MEAF6: variants seen among roughly 807,000 people sequenced by gnomAD.
MEAF6 encodes the protein MYST/Esa1 associated factor 6.
In MEAF6, 15 loss-of-function variants were observed where a neutral mutation model predicts 28.9. The observed-to-expected ratio is 0.52, with a 90% CI of 0.35 to 0.80. The LOEUF (loss-of-function observed/expected upper bound fraction) is 0.80, where lower values mean the gene tolerates loss of function less well. Ranked by LOEUF, MEAF6 falls within the 30% of genes least tolerant of loss-of-function variation. The pLI is 0.01. For synonymous variants in MEAF6, 97 were observed against 88.7 expected (o/e 1.09, Z -0.53); for missense variants, 178 against 237.5 (o/e 0.75, Z 1.65).
In MEAF6 at chr1:37,493,644, A is replaced by C. The variant is rs2148057582; in HGVS notation, c.*455T>G. ...CAAAGAAAATAAGATAAAAACAACA[A>C]GAGAAAAACAAGAAAACATAAAACA... On this transcript the variant is annotated 3_prime_UTR_variant, in exon 7 of 7. Coordinates refer to ENST00000296214, the MANE Select transcript of MEAF6 (RefSeq NM_001270875.3). The C allele has an allele frequency of 5.9e-6, 5 of 843,832 alleles. No individual in the cohort carries two copies. The highest frequency in any genetic ancestry group is 9.5e-6 in the Non-Finnish European group (5 of 528,378). The allele number at this position is 843,832 out of a possible 1,614,324, so 52.3% of individuals were successfully genotyped here.
intron 2 of MEAF6, 39 bp from the exon 3 acceptor site, chr1:37,509,581 T>C (rs768331388): frequency 1.9e-6 from 3 of 1,560,784 alleles, no homozygotes; most frequent in Non-Finnish European, 2.6e-6. Flanking sequence ...CACCAAGCTA[T>C]GTCTATGGCT....
intron 5 of MEAF6, chr1:37,496,549 C>T: frequency 2.1e-6 from 3 of 1,409,830 alleles, no homozygotes; most frequent in Non-Finnish European, 2.8e-6. Context: ...AATGTTACCT[C>T]CATCACGTTT....
chr1:37,494,350 C>T (rs1642041072), intron 6 of MEAF6, among the ~76,000 whole-genome samples: 1 of 151,360 alleles, frequency 6.6e-6, no homozygotes, highest in Admixed American at 6.6e-5. Context: ...CCCGTCTCTA[C>T]TAAAAATACA....
intron 4 of MEAF6, among the ~76,000 whole-genome samples, chr1:37,502,484 A>C (rs1407004392): frequency 6.6e-6 from 1 of 152,006 alleles, no homozygotes; most frequent in Non-Finnish European, 1.5e-5. Flanking sequence ...TACAAAAAAA[A>C]AGGGGGGGCC....
In MEAF6 at chr1:37,503,067, C is replaced by G. The variant is rs1642367520; in HGVS notation, c.341-1071G>C. Among the ~76,000 whole-genome samples, 4 of 151,994 alleles carry G rather than the reference C, an allele frequency of 2.6e-5. No individual in the cohort carries two copies. In the South Asian group the frequency reaches 8.3e-4, roughly 32 times the overall value. On this transcript the variant is annotated intron_variant, in intron 4 of 6. Coordinates refer to ENST00000296214, the MANE Select transcript of MEAF6 (RefSeq NM_001270875.3). Reference sequence around the variant, plus strand: ...AAATTATCCTCCCATCTCAGCCTCCCCAGTAGCTGGAACTACCGGCACATG... The same window carrying G: ...AAATTATCCTCCCATCTCAGCCTCCGCAGTAGCTGGAACTACCGGCACATG...
intron 4 of MEAF6, among the ~76,000 whole-genome samples, chr1:37,506,927 G>A (rs1642503212): frequency 6.6e-6 from 1 of 152,198 alleles, no homozygotes; most frequent in African/African-American, 2.4e-5. Flanking sequence ...GTCTTTCCCT[G>A]ACAAGTACCT....
chr1:37,490,840 T>C lies in MEAF6; in HGVS notation c.*3259A>G, dbSNP rs984898192. Among the ~76,000 whole-genome samples, 2 of 151,098 alleles carry C rather than the reference T, an allele frequency of 1.3e-5. No homozygotes were observed. The highest frequency in any genetic ancestry group is 2.4e-5 in the African/African-American group (1 of 41,094). ...AGGAGTTTGAGTCCAGCCTGGCCAA[T>C]ATGGTGAAACCCGGTCTCTATTGAA... is the stretch of plus-strand genomic sequence containing the variant. On this transcript the variant is annotated 3_prime_UTR_variant, in exon 7 of 7. Transcript: ENST00000296214.
Position 37,493,242 on chromosome 1 carries a change from T to G in MEAF6, c.*857A>C, listed in dbSNP as rs886610386. ...AAGAGAGAAAATACAGAAAAAGAAA[T>G]TTCCATAAGGCATGATATGAATAAA... On this transcript the variant is annotated 3_prime_UTR_variant, in exon 7 of 7. Transcript: ENST00000296214. The G allele has an allele frequency of 1.3e-5, 2 of 152,416 alleles. No homozygotes were observed. Among genetic ancestry groups the G allele is most frequent in the Non-Finnish European group, 2.9e-5 (2 of 68,216 alleles). 9.4% of individuals were successfully genotyped at this position (152,416 alleles called of 1,614,324 possible).
chr1:37,498,456 G>A (rs955750913), intron 5 of MEAF6, among the ~76,000 whole-genome samples: 4 of 148,908 alleles, frequency 2.7e-5, no homozygotes, highest in Non-Finnish European at 5.9e-5. Flanking sequence ...CTATTACTGA[G>A]ACAGGGTCTT....
At position 37,493,724 on chromosome 1, in the gene MEAF6, T is replaced by C; in HGVS notation, c.*375A>G. On this transcript the variant is annotated 3_prime_UTR_variant, in exon 7 of 7. Transcript: ENST00000296214. ...TCCATCTGAAATGTGACTTGTGTTC[T>C]ACTTTCAGCATAAAACAAAACCAGA... The C allele has an allele frequency of 2.8e-6, 4 of 1,423,856 alleles. No homozygotes were observed. Among genetic ancestry groups the C allele is most frequent in the Non-Finnish European group, 3.9e-6 (4 of 1,033,292 alleles). The allele number at this position is 1,423,856 out of a possible 1,614,324, so 88.2% of individuals were successfully genotyped here.
At chr1:37,511,186 G>A (rs912874942) in intron 2 of MEAF6, among the ~76,000 whole-genome samples, 3 of 152,266 alleles carry the variant, frequency 2.0e-5, no homozygotes, top group Middle Eastern at 3.4e-3. Context: ...GGTAAGTATG[G>A]GACATCTCTT....
At chr1:37,512,877 G>A (rs1178674129) in intron 2 of MEAF6, among the ~76,000 whole-genome samples, 2 of 152,106 alleles carry the variant, frequency 1.3e-5, no homozygotes, top group African/African-American at 2.4e-5. Context: ...GGACAACAGC[G>A]TGAGACCCTG....
At chr1:37,514,433 C>T in intron 1 of MEAF6, 1 of 328,836 alleles carries the variant, frequency 3.0e-6, no homozygotes, top group South Asian at 8.3e-5. Context: ...GCTTCCCCTC[C>T]CCCTCCCGCG....
chr1:37,506,691 T>A (rs1642496272), intron 4 of MEAF6, among the ~76,000 whole-genome samples: 1 of 152,016 alleles, frequency 6.6e-6, no homozygotes, highest in African/African-American at 2.4e-5. Flanking sequence ...CTTTTCAGGT[T>A]TTTGTTTTGT....
intron 5 of MEAF6, chr1:37,496,865 T>C (rs753778875): frequency 2.5e-5 from 24 of 945,342 alleles, no homozygotes; most frequent in Non-Finnish European, 3.4e-5. Context: ...AGCAACAAAG[T>C]ATCAAACATC....
chr1:37,495,764 C>CA (rs142254918), intron 6 of MEAF6, 121 bp downstream of exon 6: 33 of 887,666 alleles, frequency 3.7e-5, no homozygotes, highest in Non-Finnish European at 5.8e-5. Context: ...ATGGACACCC[C>CA]AGACTTTAAA....
Position 37,501,984 on chromosome 1 carries a change from C to T in MEAF6, c.353G>A (p.Ser118Asn). 6.2e-7 allele frequency: 1 copy of T among 1,603,604 alleles called. No individual in the cohort carries two copies. The highest frequency in any genetic ancestry group is 8.5e-7 in the Non-Finnish European group (1 of 1,172,638). Residue 118 changes from serine to asparagine, a missense_variant, in exon 5 of 7, where the codon AGT becomes AAT. Coordinates refer to ENST00000296214, the MANE Select transcript of MEAF6 (RefSeq NM_001270875.3). ...DQLIEKREPGSGTESDTSPDF... is the reference protein window; with the variant it reads ...DQLIEKREPGNGTESDTSPDF... ...TGGAGAAGTGTCACTTTCCGTCCCACTTCCTGGCTCCCCTGAAGGAAATAA... is the reference window on the plus strand; with the variant it reads ...TGGAGAAGTGTCACTTTCCGTCCCATTTCCTGGCTCCCCTGAAGGAAATAA...
intron 5 of MEAF6, among the ~76,000 whole-genome samples, chr1:37,496,348 ATAAAT>A (rs1283368007): frequency 1.3e-5 from 2 of 152,376 alleles, no homozygotes; most frequent in East Asian, 1.9e-4. Flanking sequence ...GAAACACAAA[ATAAAT>A]TAAATTAATT....
At position 37,490,919 on chromosome 1, in the gene MEAF6, C is replaced by A. The variant is rs543992930; in HGVS notation, c.*3180G>T. On this transcript the variant is annotated 3_prime_UTR_variant, in exon 7 of 7. Transcript: ENST00000296214. ...GCACGCGCCTGTAGTCTCAGCTACTCGAGAGGCTGAGGCGGAATAATTGCT... is the reference window on the plus strand; with the variant it reads ...GCACGCGCCTGTAGTCTCAGCTACTAGAGAGGCTGAGGCGGAATAATTGCT... 6.6e-6 allele frequency among the ~76,000 whole-genome samples: 1 copy of A among 152,110 alleles called. No homozygotes were observed. Among genetic ancestry groups the A allele is most frequent in the East Asian group, 1.9e-4 (1 of 5,172 alleles).
Sources: gnomAD v4.1 joint callset for allele counts (sites outside exome capture counted in the v4.1 genomes callset) on GRCh38, gnomAD v4.1.1 for gene constraint, MANE v1.5 for transcripts, NCBI Gene and HGNC (gene_info 2026-07-23, HGNC 2026-07-21) for gene names.